Variants in SETD5 observed in about 807,000 individuals in gnomAD.
The protein encoded by SETD5 is SET domain containing 5.
Under a neutral mutation model 153.3 loss-of-function variants are expected in SETD5, and 44 were observed. The ratio of observed to expected loss-of-function variants is 0.29; its 90% CI spans 0.23 to 0.37. SETD5 has a LOEUF of 0.37. Among genes scored for constraint, SETD5 ranks in the 10% least tolerant of loss-of-function variants. SETD5 has a pLI of 1.00. For synonymous variants in SETD5, 716 were observed against 645.2 expected (o/e 1.11, Z -1.66); for missense variants, 1,544 against 1,768.0 (o/e 0.87, Z 2.27).
At chr3:9,409,766 A>C (rs925353263) in intron 1 of SETD5, among the ~76,000 whole-genome samples, 1 of 152,200 alleles carries the variant, frequency 6.6e-6, no homozygotes, top group Non-Finnish European at 1.5e-5. Context: ...TCTTTTTAAA[A>C]ATATCACTTG....
At chr3:9,400,044 C>T (rs2034507012) in intron 1 of SETD5, among the ~76,000 whole-genome samples, 2 of 152,326 alleles carry the variant, frequency 1.3e-5, no homozygotes, top group Middle Eastern at 3.4e-3. Context: ...CAGGGAGCAG[C>T]ACTTAGGCGA....
chr3:9,426,910 G>A (rs1275955943), intron 2 of SETD5, among the ~76,000 whole-genome samples: 1 of 152,084 alleles, frequency 6.6e-6, no homozygotes, highest in Non-Finnish European at 1.5e-5. Context: ...ATACCCAGAG[G>A]TCTCACTTCA....
chr3:9,402,620 T>C (rs1032111416), intron 1 of SETD5, among the ~76,000 whole-genome samples: 1 of 152,170 alleles, frequency 6.6e-6, no homozygotes, highest in Non-Finnish European at 1.5e-5. Flanking sequence ...TGTGTTCTTA[T>C]GGGTTCGTTG....
intron 1 of SETD5, among the ~76,000 whole-genome samples, chr3:9,419,891 TCA>T (rs1256876587): frequency 6.6e-6 from 1 of 152,176 alleles, no homozygotes; most frequent in African/African-American, 2.4e-5. Context: ...AGATCTGAAT[TCA>T]CAGAGAGGAG....
At chr3:9,435,610 AAG>A in intron 6 of SETD5, 116 bp from the exon 7 acceptor site, 1 of 879,594 alleles carries the variant, frequency 1.1e-6, no homozygotes, top group Non-Finnish European at 1.6e-6. Flanking sequence ...TACAGATGAT[AAG>A]AGTTAATAGT....
chr3:9,444,050 G>C (rs546066852), intron 11 of SETD5, among the ~76,000 whole-genome samples: 2 of 152,238 alleles, frequency 1.3e-5, no homozygotes, highest in African/African-American at 4.8e-5. Flanking sequence ...AACAGAGGGA[G>C]ACTCTGTCTT....
chr3:9,444,988 A>G, intron 11 of SETD5, 60 bp from the exon 12 acceptor site: 1 of 1,571,770 alleles, frequency 6.4e-7, no homozygotes, highest in South Asian at 1.2e-5. Context: ...GGGTGAATGG[A>G]TAATGTAACT....
chr3:9,458,682 A>G (rs1383268924), intron 17 of SETD5, among the ~76,000 whole-genome samples: 2 of 152,194 alleles, frequency 1.3e-5, no homozygotes, highest in East Asian at 3.8e-4. Flanking sequence ...GTATTAATAG[A>G]GGATTAGTAC....
intron 17 of SETD5, among the ~76,000 whole-genome samples, chr3:9,462,415 G>A (rs62246314): frequency 0.075 from 11,382 of 151,560 alleles, 563 homozygotes; most frequent in Middle Eastern, 0.13. Flanking sequence ...GTGAAACCCC[G>A]TCTCTACTAA....
chr3:9,472,533 A>G (rs1260015327), intron 19 of SETD5, among the ~76,000 whole-genome samples: 1 of 152,238 alleles, frequency 6.6e-6, no homozygotes, highest in African/African-American at 2.4e-5. Context: ...TGCTAAAATT[A>G]TAAACTGGAA....
chr3:9,472,816 T>A (rs566687677), intron 19 of SETD5, among the ~76,000 whole-genome samples: 2 of 152,144 alleles, frequency 1.3e-5, no homozygotes, highest in Non-Finnish European at 2.9e-5. Flanking sequence ...AGAACAGCCA[T>A]CAGTCACCTG....
At chr3:9,415,802 G>A (rs543661033) in intron 1 of SETD5, among the ~76,000 whole-genome samples, 1 of 151,168 alleles carries the variant, frequency 6.6e-6, no homozygotes, top group Non-Finnish European at 1.5e-5. Flanking sequence ...GGCCTCAAGT[G>A]ATTCTCCTAA....
At chr3:9,418,409 A>G (rs1306300836) in intron 1 of SETD5, among the ~76,000 whole-genome samples, 4 of 152,228 alleles carry the variant, frequency 2.6e-5, no homozygotes, top group African/African-American at 9.6e-5. Flanking sequence ...AAGGACAACT[A>G]TAAGAAAGTA....
chr3:9,452,631 A>G (rs112467087), intron 16 of SETD5, among the ~76,000 whole-genome samples: 10,175 of 144,040 alleles, frequency 0.071, 1,235 homozygotes, highest in African/African-American at 0.25. Flanking sequence ...TCATTTGGCC[A>G]GCCACAATGA....
intron 13 of SETD5, among the ~76,000 whole-genome samples, chr3:9,446,090 A>G (rs1330993459): frequency 6.7e-6 from 1 of 149,284 alleles, no homozygotes; most frequent in Non-Finnish European, 1.5e-5. Context: ...GATCGAGACC[A>G]TCCTCGCTAA....
intron 19 of SETD5, among the ~76,000 whole-genome samples, chr3:9,472,258 G>A (rs1052384064): frequency 1.1e-4 from 17 of 152,212 alleles, no homozygotes; most frequent in African/African-American, 3.9e-4. Flanking sequence ...TGTGCTGGAT[G>A]TTAAAGATAA....
intron 7 of SETD5, among the ~76,000 whole-genome samples, chr3:9,439,460 G>A (rs1483450569): frequency 2.0e-5 from 3 of 152,224 alleles, no homozygotes; most frequent in Non-Finnish European, 4.4e-5. Context: ...GTACCTGTTT[G>A]CAAGTTTAAT....
intron 11 of SETD5, among the ~76,000 whole-genome samples, chr3:9,444,336 C>T (rs2041676101): frequency 1.3e-5 from 2 of 151,994 alleles, no homozygotes; most frequent in Non-Finnish European, 2.9e-5. Flanking sequence ...AAAAGATGTT[C>T]TGCTTAATTC....
Position 9,434,244 on chromosome 3 carries a change from G to A in SETD5, c.178-90G>A. On this transcript the variant is annotated intron_variant, in intron 4 of 22. Coordinates refer to ENST00000402198, the MANE Select transcript of SETD5 (RefSeq NM_001080517.3). The surrounding 1 kb of genome is among the most constrained non-coding windows in gnomAD (Gnocchi z 5.6). ...TTAGGGGAGAGAGGGGCCAGTGTTT[G>A]GACACTGTTGATTTAAAAAATCTTA... is the stretch of plus-strand genomic sequence containing the variant. 1 of 1,558,802 alleles carries A rather than the reference G, an allele frequency of 6.4e-7. No homozygotes were observed. Among genetic ancestry groups the A allele is most frequent in the South Asian group, 1.1e-5 (1 of 87,486 alleles).
Sources: allele counts gnomAD v4.1 joint callset (sites outside exome capture counted in the v4.1 genomes callset), GRCh38; gene constraint gnomAD v4.1.1; non-coding constraint Gnocchi (gnomAD v3.1); transcripts MANE v1.5; gene names NCBI Gene and HGNC (gene_info 2026-07-23, HGNC 2026-07-21).